Variants in TENM4 observed in about 807,000 individuals in gnomAD.
TENM4 encodes teneurin-4.
Under a neutral mutation model 243.3 loss-of-function variants are expected in TENM4, and 82 were observed. That is an observed-to-expected ratio of 0.34 (90% CI 0.28 to 0.40). The LOEUF (loss-of-function observed/expected upper bound fraction) is 0.40. Among genes scored for constraint, TENM4 ranks in the 10% least tolerant of loss-of-function variants. The pLI is 1.00. For missense variants in TENM4, 3,138 were observed against 3,673.3 expected (o/e 0.85, Z 3.77); for synonymous variants, 1,412 against 1,456.3 (o/e 0.97, Z 0.69).
chr11:78,754,277 C>A (rs1856254888), intron 19 of TENM4, among the ~76,000 whole-genome samples: 1 of 152,176 alleles, frequency 6.6e-6, no homozygotes, highest in Admixed American at 6.5e-5. Context: ...GCTGAGGGGT[C>A]CATTTTCCCC....
chr11:79,369,267 A>G (rs1244479931), intron 1 of TENM4, among the ~76,000 whole-genome samples: 1 of 152,230 alleles, frequency 6.6e-6, no homozygotes, highest in African/African-American at 2.4e-5. Flanking sequence ...AAGGGTTTGC[A>G]GCACTTAACC....
intron 1 of TENM4, among the ~76,000 whole-genome samples, chr11:79,335,226 A>G (rs144301642): frequency 1.0e-3 from 157 of 152,366 alleles, no homozygotes; most frequent in African/African-American, 3.7e-3. Flanking sequence ...GTTCTGCTAC[A>G]GAACCTGACA....
At chr11:79,345,565 T>C (rs1416155402) in intron 1 of TENM4, among the ~76,000 whole-genome samples, 1 of 152,210 alleles carries the variant, frequency 6.6e-6, no homozygotes, top group Non-Finnish European at 1.5e-5. Flanking sequence ...TATTCATAAT[T>C]TGAATCTACG....
chr11:79,156,813 C>T (rs1862630161), intron 3 of TENM4, among the ~76,000 whole-genome samples: 1 of 152,330 alleles, frequency 6.6e-6, no homozygotes, highest in East Asian at 1.9e-4. Flanking sequence ...CTCTGCCTTG[C>T]TCCAAAAATA....
chr11:79,018,473 C>G (rs1293834045), intron 6 of TENM4, among the ~76,000 whole-genome samples: 3 of 152,038 alleles, frequency 2.0e-5, no homozygotes, highest in Admixed American at 2.0e-4. Flanking sequence ...CACACATCCC[C>G]CCACACACAT....
intron 1 of TENM4, among the ~76,000 whole-genome samples, chr11:79,385,198 A>C (rs1258654644): frequency 1.3e-5 from 2 of 152,198 alleles, no homozygotes; most frequent in African/African-American, 4.8e-5. Flanking sequence ...AAGAATCCAG[A>C]TGCCCAGATT....
chr11:79,212,891 G>A (rs529766410), intron 3 of TENM4, among the ~76,000 whole-genome samples: 4 of 152,340 alleles, frequency 2.6e-5, no homozygotes, highest in Admixed American at 2.6e-4. Context: ...GACCGAGGGA[G>A]ACGGGAACTC....
intron 12 of TENM4, among the ~76,000 whole-genome samples, chr11:78,817,084 C>G (rs1857621624): frequency 6.6e-6 from 1 of 152,112 alleles, no homozygotes; most frequent in South Asian, 2.1e-4. Context: ...GGCATCTAGA[C>G]AAGGGCATCA....
intron 2 of TENM4, among the ~76,000 whole-genome samples, chr11:79,218,230 G>GCCCCCCCCCCCCCCCCCCCCCCCC (rs765365245): frequency 2.0e-5 from 1 of 50,690 alleles, no homozygotes; most frequent in Admixed American, 2.6e-4. Flanking sequence ...TTTACCCCCT[G>GCCCCCCCCCCCCCCCCCCCCCCCC]CCCACCCACC....
At chr11:78,764,196 C>T (rs1049500904) in intron 18 of TENM4, among the ~76,000 whole-genome samples, 13 of 152,194 alleles carry the variant, frequency 8.5e-5, no homozygotes, top group African/African-American at 3.1e-4. Context: ...TATGCAGGAG[C>T]GTGCTATTAA....
intron 4 of TENM4, among the ~76,000 whole-genome samples, chr11:79,131,749 C>A (rs1468712563): frequency 6.6e-6 from 1 of 152,070 alleles, no homozygotes; most frequent in Admixed American, 6.6e-5. Flanking sequence ...GATACAGAAC[C>A]GCAGGGTGGA....
chr11:78,823,148 C>T (rs773583460), intron 12 of TENM4, among the ~76,000 whole-genome samples: 12 of 152,204 alleles, frequency 7.9e-5, no homozygotes, highest in Non-Finnish European at 1.0e-4. Flanking sequence ...CCAAGTGCCG[C>T]GCTCTTCAAG....
intron 1 of TENM4, among the ~76,000 whole-genome samples, chr11:79,351,270 T>A (rs1231148797): frequency 6.6e-6 from 1 of 152,206 alleles, no homozygotes; most frequent in Admixed American, 6.5e-5. Context: ...TCATATATGG[T>A]ATCATCTACT....
intron 3 of TENM4, among the ~76,000 whole-genome samples, chr11:79,192,632 G>A (rs1408500671): frequency 1.3e-5 from 2 of 151,974 alleles, no homozygotes; most frequent in African/African-American, 2.4e-5. Flanking sequence ...CAAACACTCT[G>A]CCTAGGAAAA....
At position 79,106,502 on chromosome 11, in the gene TENM4, C is replaced by T. The variant is rs530263074; in HGVS notation, c.-65-36493G>A. On this transcript the variant is annotated intron_variant, in intron 4 of 33. Coordinates refer to ENST00000278550, the MANE Select transcript of TENM4 (RefSeq NM_001098816.3). Reference sequence around the variant, plus strand: ...TCTTCCTGTTGTGTTGCTGGGAGGACTACAGGAAGAAGCATGTGAGGAAAG... The same window carrying T: ...TCTTCCTGTTGTGTTGCTGGGAGGATTACAGGAAGAAGCATGTGAGGAAAG... 9.8e-5 allele frequency among the ~76,000 whole-genome samples: 15 copies of T among 152,302 alleles called. No individual in the cohort carries two copies. In the South Asian group the frequency reaches 3.1e-3, roughly 32 times the overall value.
At chr11:79,365,849 G>C (rs1443181528) in intron 1 of TENM4, among the ~76,000 whole-genome samples, 4 of 152,174 alleles carry the variant, frequency 2.6e-5, no homozygotes, top group African/African-American at 9.7e-5. Context: ...TGCCCGGTGC[G>C]GGTAGAGGCA....
At chr11:78,717,067 C>G (rs1859536972) in intron 25 of TENM4, among the ~76,000 whole-genome samples, 1 of 152,198 alleles carries the variant, frequency 6.6e-6, no homozygotes, top group Admixed American at 6.5e-5. Context: ...AGAGTAAGAT[C>G]ACAGCTTCAT....
chr11:79,194,053 C>G (rs1175392642), intron 3 of TENM4, among the ~76,000 whole-genome samples: 5 of 151,992 alleles, frequency 3.3e-5, no homozygotes, highest in Non-Finnish European at 7.4e-5. Flanking sequence ...GCCGGTCTTT[C>G]CTGTGCTATT....
At chr11:79,104,321 AAAT>A (rs1291107251) in intron 4 of TENM4, among the ~76,000 whole-genome samples, 1 of 152,254 alleles carries the variant, frequency 6.6e-6, no homozygotes, top group Non-Finnish European at 1.5e-5. Flanking sequence ...AGAATAAAGA[AAAT>A]AATAAGGACT....
Sources: gnomAD v4.1 joint callset for allele counts (sites outside exome capture counted in the v4.1 genomes callset) on GRCh38, gnomAD v4.1.1 for gene constraint, MANE v1.5 for transcripts, NCBI Gene and HGNC (gene_info 2026-07-23, HGNC 2026-07-21) for gene names.